The following BCL2 variants were observed in gnomAD, a reference collection of about 807,000 sequenced individuals.
BCL2 encodes BCL2 apoptosis regulator, also known as apoptosis regulator Bcl-2.
Under a neutral mutation model 14.2 loss-of-function variants are expected in BCL2, and 1 was observed. The observed-to-expected ratio is 0.07, with a 90% CI of 0.02 to 0.33. The LOEUF (loss-of-function observed/expected upper bound fraction) is 0.33. Ranked by LOEUF, BCL2 falls within the 10% of genes least tolerant of loss-of-function variation. BCL2 has a pLI of 0.99. For synonymous variants in BCL2, 151 were observed against 137.2 expected (o/e 1.10, Z -0.70); for missense variants, 247 against 305.9 (o/e 0.81, Z 1.44).
intron 2 of BCL2, among the ~76,000 whole-genome samples, chr18:63,258,250 G>A (rs1026335223): frequency 6.6e-6 from 1 of 152,210 alleles, no homozygotes; most frequent in Non-Finnish European, 1.5e-5. Flanking sequence ...TCAGAACTAT[G>A]AGATAATAAA....
chr18:63,300,778 A>ACTGC (rs1912942256), intron 2 of BCL2, among the ~76,000 whole-genome samples: 1 of 152,038 alleles, frequency 6.6e-6, no homozygotes, highest in South Asian at 2.1e-4. Flanking sequence ...GATCTTTGTG[A>ACTGC]CTGCCTGCCC....
chr18:63,144,591 G>GAAAT (rs1312773830), intron 2 of BCL2, among the ~76,000 whole-genome samples: 4 of 152,130 alleles, frequency 2.6e-5, no homozygotes, highest in Non-Finnish European at 5.9e-5. Context: ...AGGAGTGACA[G>GAAAT]GGAACGCTCA....
intron 2 of BCL2, among the ~76,000 whole-genome samples, chr18:63,305,373 T>G (rs1913092158): frequency 6.6e-6 from 1 of 152,220 alleles, no homozygotes; most frequent in Non-Finnish European, 1.5e-5. Context: ...ACCCAGGGAA[T>G]GAATATCAGC....
At chr18:63,202,338 T>C (rs1599241889) in intron 2 of BCL2, among the ~76,000 whole-genome samples, 1 of 152,252 alleles carries the variant, frequency 6.6e-6, no homozygotes, top group Non-Finnish European at 1.5e-5. Flanking sequence ...TACATTCACA[T>C]AACATTTGTT....
At chr18:63,239,585 A>G (rs1910937768) in intron 2 of BCL2, among the ~76,000 whole-genome samples, 1 of 152,070 alleles carries the variant, frequency 6.6e-6, no homozygotes. Context: ...CTACAAAAAT[A>G]AAAAATTAGC....
intron 2 of BCL2, among the ~76,000 whole-genome samples, chr18:63,229,566 G>C (rs1910637138): frequency 6.6e-6 from 1 of 152,112 alleles, no homozygotes; most frequent in South Asian, 2.1e-4. Context: ...GTTTCAAAGT[G>C]TTTGGCACCT....
intron 2 of BCL2, among the ~76,000 whole-genome samples, chr18:63,197,354 A>G (rs1307716480): frequency 1.3e-5 from 2 of 152,244 alleles, no homozygotes; most frequent in Non-Finnish European, 2.9e-5. Flanking sequence ...GGGCTCAGAC[A>G]GTGCAAGTCA....
intron 2 of BCL2, among the ~76,000 whole-genome samples, chr18:63,194,732 C>T (rs913735448): frequency 2.0e-5 from 3 of 152,196 alleles, no homozygotes; most frequent in Non-Finnish European, 4.4e-5. Context: ...CTAATAAAGA[C>T]AGCAGTGGTC....
In BCL2 at chr18:63,125,913, A is replaced by G; in HGVS notation, c.*2712T>C. The G allele has an allele frequency of 4.7e-6, 1 of 212,390 alleles. No homozygotes were observed. Among genetic ancestry groups the G allele is most frequent in the Non-Finnish European group, 9.6e-6 (1 of 104,404 alleles). 13.2% of individuals were successfully genotyped at this position (212,390 alleles called of 1,614,324 possible). A position where few individuals can be genotyped will look rare whatever the true frequency, so the allele number is the denominator to read the frequency against. ...CAGCAATTAGCCCCCGTGACCTCTTAATATATATACATTTTTCAAATACTC... is the reference window on the plus strand; with the variant it reads ...CAGCAATTAGCCCCCGTGACCTCTTGATATATATACATTTTTCAAATACTC... On this transcript the variant is annotated 3_prime_UTR_variant, in exon 3 of 3. Coordinates refer to ENST00000333681, the MANE Select transcript of BCL2 (RefSeq NM_000633.3).
chr18:63,259,621 C>A (rs1911595275), intron 2 of BCL2, among the ~76,000 whole-genome samples: 1 of 152,238 alleles, frequency 6.6e-6, no homozygotes. Flanking sequence ...CTGGGTAACA[C>A]CTTCCAGCCA....
intron 2 of BCL2, among the ~76,000 whole-genome samples, chr18:63,171,762 C>T (rs1009014314): frequency 6.6e-6 from 1 of 152,170 alleles, no homozygotes; most frequent in Admixed American, 6.5e-5. Flanking sequence ...ATTCCTTGAG[C>T]CTTGAAGTTT....
chr18:63,169,412 TCTCTCTCTCTCTC>T (rs1915169283), intron 2 of BCL2, among the ~76,000 whole-genome samples: 1 of 88,120 alleles, frequency 1.1e-5, no homozygotes, highest in South Asian at 4.6e-4. Flanking sequence ...TTTTTCTTTC[TCTCTCTCTCTCTC>T]TCTTTCTTTT....
Position 63,200,972 on chromosome 18 carries a change from G to A in BCL2, c.586-72213C>T, listed in dbSNP as rs756698922. Reference sequence around the variant, plus strand: ...CCATTCCTATGGAGCTAATGAATCCGCTGCATCCTCAGCTCCAGCAGGCAC... The same window carrying A: ...CCATTCCTATGGAGCTAATGAATCCACTGCATCCTCAGCTCCAGCAGGCAC... On this transcript the variant is annotated intron_variant, in intron 2 of 2. Coordinates refer to ENST00000333681, the MANE Select transcript of BCL2 (RefSeq NM_000633.3). Among the ~76,000 whole-genome samples, 7 of 152,232 alleles carry A rather than the reference G, an allele frequency of 4.6e-5. 1 individual carries two copies. The highest frequency in any genetic ancestry group is 1.0e-4 in the Non-Finnish European group (7 of 68,010).
rs536627558 is a variant in BCL2 at position 63,123,430 on chromosome 18, A to G, written c.*5195T>C. On this transcript the variant is annotated 3_prime_UTR_variant, in exon 3 of 3. Transcript: ENST00000333681. Reference sequence around the variant, plus strand: ...TTTAATGGCAATGTGACTTTTTCCAACAACACAAACAAAGTGCCATTATAG... The same window carrying G: ...TTTAATGGCAATGTGACTTTTTCCAGCAACACAAACAAAGTGCCATTATAG... 4.5e-4 allele frequency: 89 copies of G among 199,390 alleles called. 1 individual carries two copies. Among genetic ancestry groups the G allele is most frequent in the African/African-American group, 2.0e-3 (88 of 43,544 alleles). 12.4% of individuals were successfully genotyped at this position (199,390 alleles called of 1,614,324 possible). A position where few individuals can be genotyped will look rare whatever the true frequency, so the allele number is the denominator to read the frequency against.
At chr18:63,264,273 C>T (rs2049439800) in intron 2 of BCL2, among the ~76,000 whole-genome samples, 1 of 152,176 alleles carries the variant, frequency 6.6e-6, no homozygotes, top group African/African-American at 2.4e-5. Context: ...ATGCTCCCTG[C>T]CTGTGCCCTA....
chr18:63,124,485 G>C lies in BCL2; in HGVS notation c.*4140C>G, dbSNP rs1913857900. ...CATTTGTCACACAAGGTTCTTCGCA[G>C]AGGCATCACATCGACCCCAATACAG... On this transcript the variant is annotated 3_prime_UTR_variant, in exon 3 of 3. Transcript: ENST00000333681. 2 of 231,896 alleles carry C rather than the reference G, an allele frequency of 8.6e-6. No individual in the cohort carries two copies. The highest frequency in any genetic ancestry group is 3.6e-4 in the South Asian group (2 of 5,516). 14.4% of individuals were successfully genotyped at this position (231,896 alleles called of 1,614,324 possible). A position where few individuals can be genotyped will look rare whatever the true frequency, so the allele number is the denominator to read the frequency against.
At chr18:63,194,006 A>G (rs982436747) in intron 2 of BCL2, among the ~76,000 whole-genome samples, 2 of 152,248 alleles carry the variant, frequency 1.3e-5, no homozygotes, top group African/African-American at 4.8e-5. Context: ...AGTCACTGAT[A>G]TTCAATACAT....
chr18:63,257,221 T>C (rs1263758010), intron 2 of BCL2, among the ~76,000 whole-genome samples: 2 of 152,192 alleles, frequency 1.3e-5, no homozygotes, highest in African/African-American at 4.8e-5. Flanking sequence ...GCTTACCTGT[T>C]GCTAAAAACT....
Position 63,123,996 on chromosome 18 carries a change from C to T in BCL2, c.*4629G>A. On this transcript the variant is annotated 3_prime_UTR_variant, in exon 3 of 3. Transcript: ENST00000333681. ...TGCTCAGCTTGGTATGCAGAACAAC[C>T]TTGTTGTTGATAGGATGTTTGCTTG... 4.5e-6 allele frequency: 1 copy of T among 221,796 alleles called. No individual in the cohort carries two copies. Among genetic ancestry groups the T allele is most frequent in the Non-Finnish European group, 9.0e-6 (1 of 110,932 alleles). The allele number at this position is 221,796 out of a possible 1,614,324, so 13.7% of individuals were successfully genotyped here.
Sources: gnomAD v4.1 joint callset for allele counts (sites outside exome capture counted in the v4.1 genomes callset) on GRCh38, gnomAD v4.1.1 for gene constraint, MANE v1.5 for transcripts, NCBI Gene and HGNC (gene_info 2026-07-23, HGNC 2026-07-21) for gene names.